KCNN2: variants seen among roughly 807,000 people sequenced by gnomAD.
KCNN2 encodes the protein small conductance calcium-activated potassium channel protein 2.
KCNN2 carries 24 observed loss-of-function variants against 55.5 expected under a neutral mutation model. That is an observed-to-expected ratio of 0.43 (90% CI 0.31 to 0.61). KCNN2 has a LOEUF of 0.61. Ranked by LOEUF, KCNN2 falls within the 20% of genes least tolerant of loss-of-function variation. KCNN2 has a pLI of 0.08. For missense variants in KCNN2, 754 were observed against 853.6 expected (o/e 0.88, Z 1.45); for synonymous variants, 431 against 336.1 (o/e 1.28, Z -3.09).
intron 1 of KCNN2, among the ~76,000 whole-genome samples, chr5:114,060,442 A>G (rs1278130936): frequency 2.0e-5 from 3 of 152,140 alleles, no homozygotes; most frequent in East Asian, 1.9e-4. Context: ...GTGAGCAGCA[A>G]TTGTGAAAGG....
intron 3 of KCNN2, among the ~76,000 whole-genome samples, chr5:114,425,523 T>C (rs2150083677): frequency 6.6e-6 from 1 of 152,226 alleles, no homozygotes; most frequent in South Asian, 2.1e-4. Flanking sequence ...TTGCACCCTC[T>C]CCCTTCATCA....
At chr5:114,074,180 T>A (rs1199987855) in intron 1 of KCNN2, among the ~76,000 whole-genome samples, 1 of 152,218 alleles carries the variant, frequency 6.6e-6, no homozygotes, top group Non-Finnish European at 1.5e-5. Flanking sequence ...GCTCTGGGCA[T>A]CTATGTTGAT....
chr5:114,483,967 T>C (rs1762342554), intron 5 of KCNN2, among the ~76,000 whole-genome samples: 1 of 152,174 alleles, frequency 6.6e-6, no homozygotes, highest in African/African-American at 2.4e-5. Flanking sequence ...TAAGTGGAAA[T>C]GCATTGATCC....
intron 1 of KCNN2, among the ~76,000 whole-genome samples, chr5:114,088,256 T>A (rs570712194): frequency 1.3e-5 from 2 of 152,290 alleles, no homozygotes; most frequent in South Asian, 4.1e-4. Flanking sequence ...TTATCTTTGG[T>A]CTCCTAAAAG....
chr5:114,471,085 G>A (rs1225088658), intron 4 of KCNN2, among the ~76,000 whole-genome samples: 2 of 152,142 alleles, frequency 1.3e-5, no homozygotes, highest in African/African-American at 2.4e-5. Context: ...TAAAATAGGT[G>A]AATTTGAATT....
intron 2 of KCNN2, among the ~76,000 whole-genome samples, chr5:114,369,881 G>A (rs1047797600): frequency 6.6e-6 from 1 of 152,030 alleles, no homozygotes; most frequent in East Asian, 1.9e-4. Context: ...GCCATGTTTT[G>A]TACAGTTGAG....
In KCNN2 at chr5:114,447,182, T is replaced by C. The variant is rs149022142; in HGVS notation, c.1638-15867T>C. Among the ~76,000 whole-genome samples, 5 of 152,324 alleles carry C rather than the reference T, an allele frequency of 3.3e-5. No homozygotes were observed. In the East Asian group the frequency reaches 5.8e-4, roughly 18 times the overall value. On this transcript the variant is annotated intron_variant, in intron 3 of 7. Coordinates refer to ENST00000673685, the MANE Select transcript of KCNN2 (RefSeq NM_021614.4). The stretch of plus-strand genomic sequence containing the variant: ...TATGTAGAACACATGCAAATACTTA[T>C]TTATATCCTCTAGAGCACCCCTGTG...
intron 3 of KCNN2, among the ~76,000 whole-genome samples, chr5:114,410,505 T>C (rs1274351827): frequency 1.3e-5 from 2 of 152,170 alleles, no homozygotes; most frequent in African/African-American, 4.8e-5. Flanking sequence ...TGGCCATGCT[T>C]TCTGGGAAAC....
At chr5:114,193,489 A>G (rs76398521) in intron 1 of KCNN2, among the ~76,000 whole-genome samples, 2 of 152,294 alleles carry the variant, frequency 1.3e-5, no homozygotes, top group East Asian at 3.9e-4. Context: ...GTGTTCCAAC[A>G]TAACAAGGCA....
chr5:114,293,643 C>G (rs930108231), intron 2 of KCNN2, among the ~76,000 whole-genome samples: 27 of 152,136 alleles, frequency 1.8e-4, no homozygotes, highest in Non-Finnish European at 4.4e-5. Context: ...GGATATCGGT[C>G]TAAAATTCTC....
intron 2 of KCNN2, among the ~76,000 whole-genome samples, chr5:114,234,136 T>C (rs1468045075): frequency 6.6e-6 from 1 of 152,198 alleles, no homozygotes. Context: ...TTGTTTGAAC[T>C]TTATTGAGGA....
At chr5:114,165,075 G>A (rs1470594783) in intron 1 of KCNN2, among the ~76,000 whole-genome samples, 2 of 152,220 alleles carry the variant, frequency 1.3e-5, no homozygotes, top group African/African-American at 4.8e-5. Context: ...ACAAATCCAA[G>A]TAGTCTGGCT....
intron 5 of KCNN2, among the ~76,000 whole-genome samples, chr5:114,482,460 C>T (rs752624151): frequency 1.6e-4 from 24 of 152,144 alleles, no homozygotes; most frequent in Non-Finnish European, 2.5e-4. Context: ...TTGTGAAAGA[C>T]ATTAAGGATG....
intron 2 of KCNN2, among the ~76,000 whole-genome samples, chr5:114,296,041 T>A (rs1298637526): frequency 6.6e-6 from 1 of 152,178 alleles, no homozygotes; most frequent in Non-Finnish European, 1.5e-5. Context: ...AAAATAAAGA[T>A]GTGATTGTTT....
chr5:114,421,287 A>T (rs11241277), intron 3 of KCNN2, among the ~76,000 whole-genome samples: 24,315 of 151,534 alleles, frequency 0.16, 3,789 homozygotes, highest in African/African-American at 0.41. Context: ...TAATTAATTA[A>T]TTTTATTTTT....
chr5:114,122,237 G>T (rs1751842643), intron 1 of KCNN2, among the ~76,000 whole-genome samples: 2 of 152,132 alleles, frequency 1.3e-5, no homozygotes, highest in Admixed American at 1.3e-4. Flanking sequence ...GAATAGGTTT[G>T]AAGAGCCATG....
intron 2 of KCNN2, among the ~76,000 whole-genome samples, chr5:114,283,376 C>G (rs890360509): frequency 6.6e-6 from 1 of 152,066 alleles, no homozygotes. Context: ...TCTATTATTT[C>G]TAGTTCATTA....
rs543388610 is a variant in KCNN2 at position 114,298,227 on chromosome 5, C to T, written c.-184-62718C>T. Among the ~76,000 whole-genome samples, 26 of 152,344 alleles carry T rather than the reference C, an allele frequency of 1.7e-4. No individual in the cohort carries two copies. The South Asian group carries it at 3.7e-3, about 22-fold the overall frequency. On this transcript the variant is annotated intron_variant, in intron 2 of 10. Transcript: ENST00000512097. ...TAATGTAGACAAAAGATGCCACTTA[C>T]TGCACAGAGATGGTTCTGCTAGGAA...
intron 2 of KCNN2, among the ~76,000 whole-genome samples, chr5:114,356,982 A>G (rs1024913845): frequency 6.6e-6 from 1 of 151,976 alleles, no homozygotes; most frequent in Non-Finnish European, 1.5e-5. Context: ...TCTCATCACA[A>G]CCTCTGCGTT....
Sources: gnomAD v4.1 joint callset for allele counts (sites outside exome capture counted in the v4.1 genomes callset) on GRCh38, gnomAD v4.1.1 for gene constraint, MANE v1.5 for transcripts, NCBI Gene and HGNC (gene_info 2026-07-23, HGNC 2026-07-21) for gene names.